The following PDE9A variants were observed in gnomAD, a reference collection of about 807,000 sequenced individuals.
The protein encoded by PDE9A is high affinity cGMP-specific 3',5'-cyclic phosphodiesterase 9A.
PDE9A carries 60 observed loss-of-function variants against 87.4 expected under a neutral mutation model. The observed-to-expected ratio is 0.69, with a 90% CI of 0.56 to 0.85. PDE9A has a LOEUF of 0.85. Among genes scored for constraint, PDE9A ranks in the 40% least tolerant of loss-of-function variants. PDE9A has a pLI of 0.00. For missense variants in PDE9A, 665 were observed against 779.0 expected, an observed-to-expected ratio of 0.85 and a Z score of 1.74; for synonymous variants, 272 against 279.4, an observed-to-expected ratio of 0.97 and a Z score of 0.27.
At chr21:42,715,188 C>T (rs1235042441) in intron 4 of PDE9A, among the ~76,000 whole-genome samples, 15 of 104,636 alleles carry the variant, frequency 1.4e-4, no homozygotes, top group East Asian at 5.6e-4. Flanking sequence ...TGCATCTTTA[C>T]TTTTTTTTTT....
chr21:42,750,753 A>T (rs371421527), intron 8 of PDE9A, among the ~76,000 whole-genome samples: 1 of 150,822 alleles, frequency 6.6e-6, no homozygotes, highest in Non-Finnish European at 1.5e-5. Context: ...TTTTTGTATT[A>T]TTATTATTTT....
chr21:42,725,903 C>G (rs996509078), intron 4 of PDE9A, among the ~76,000 whole-genome samples: 9 of 152,158 alleles, frequency 5.9e-5, no homozygotes, highest in Non-Finnish European at 1.0e-4. Flanking sequence ...TTTGAAGAAC[C>G]TACCAGACTG....
chr21:42,697,528 C>A, intron 3 of PDE9A: 3 of 1,183,756 alleles, frequency 2.5e-6, no homozygotes, highest in Non-Finnish European at 3.8e-6. Flanking sequence ...TTCTTAACAA[C>A]TACCTGACAC....
chr21:42,718,139 G>A (rs576211294), intron 4 of PDE9A, among the ~76,000 whole-genome samples: 1 of 151,702 alleles, frequency 6.6e-6, no homozygotes, highest in South Asian at 2.1e-4. Context: ...GACCTCAGGT[G>A]ATCCACCCAC....
At chr21:42,688,750 G>C (rs2059619159) in intron 3 of PDE9A, among the ~76,000 whole-genome samples, 2 of 152,232 alleles carry the variant, frequency 1.3e-5, no homozygotes, top group African/African-American at 4.8e-5. Context: ...GGGGCTCACT[G>C]TGCCTCCAAG....
rs1478609728 is a variant in PDE9A, at chr21:42,772,481, A to C, written c.1729A>C (p.Lys577Gln). 3.1e-6 allele frequency: 5 copies of C among 1,610,666 alleles called. No homozygotes were observed. In the South Asian group the frequency reaches 5.6e-5, roughly 18 times the overall value. The change falls in exon 19 of 20, where the codon AAG (lysine) becomes CAG (glutamine). Residue 577 changes from lysine to glutamine, a missense_variant. By Grantham distance (53) the Lys-to-Gln change is moderately conservative (BLOSUM62 1). Transcript: ENST00000291539. ...CAGCTTGACGTCTGGGGCCACCGAGAAGTCCAGAGAGAGAAGCAGAGATGT... is the reference window on the plus strand; with the variant it reads ...CAGCTTGACGTCTGGGGCCACCGAGCAGTCCAGAGAGAGAAGCAGAGATGT... The part of the protein sequence containing the change: ...TDSLTSGATE[K>Q]SRERSRDVKN...
chr21:42,762,615 T>C (rs1266557257), intron 14 of PDE9A, among the ~76,000 whole-genome samples: 1 of 152,086 alleles, frequency 6.6e-6, no homozygotes, highest in East Asian at 1.9e-4. Flanking sequence ...GCATCCAACA[T>C]AGGAGAGCTG....
chr21:42,754,400 G>A (rs779524265), intron 10 of PDE9A, among the ~76,000 whole-genome samples: 12 of 152,202 alleles, frequency 7.9e-5, no homozygotes, highest in Admixed American at 6.5e-5. Context: ...TGGCAGCCCC[G>A]TGCTGCAGAA....
Position 42,663,464 on chromosome 21 carries a change from CAG to C in PDE9A, c.69+9584_69+9585del, listed in dbSNP as rs1477482861. Among the ~76,000 whole-genome samples the C allele has an allele frequency of 2.0e-5, 3 of 152,354 alleles. No individual in the cohort carries two copies. The East Asian group carries it at 5.8e-4, about 29-fold the overall frequency. On this transcript the variant is annotated intron_variant, in intron 1 of 19. Coordinates refer to ENST00000291539, the MANE Select transcript of PDE9A (RefSeq NM_002606.3). The stretch of plus-strand genomic sequence containing the variant: ...GGAGGGCAGAAGGCACCCGTCTTCG[CAG>C]AGTCACAGTGGGGCTTGCCTCCTAT...
At position 42,759,266 on chromosome 21, in the gene PDE9A, C is replaced by T. The variant is rs1382345274; in HGVS notation, c.897+181C>T. 1.3e-5 allele frequency among the ~76,000 whole-genome samples: 2 copies of T among 152,188 alleles called. No individual in the cohort carries two copies. Among genetic ancestry groups the T allele is most frequent in the Admixed American group, 6.5e-5 (1 of 15,268 alleles). Reference sequence around the variant, plus strand: ...AGCCTGTCTCTGTTCCTCCTTCCACCAAAACCTTCTTTACGCCCGAGCTAC... The same window carrying T: ...AGCCTGTCTCTGTTCCTCCTTCCACTAAAACCTTCTTTACGCCCGAGCTAC... On this transcript the variant is annotated intron_variant, in intron 11 of 19. Transcript: ENST00000291539. The surrounding 1 kb of genome is among the most constrained non-coding windows in gnomAD (Gnocchi z 7.2).
chr21:42,657,240 G>A (rs1169815494), intron 1 of PDE9A, among the ~76,000 whole-genome samples: 7 of 152,216 alleles, frequency 4.6e-5, no homozygotes, highest in Non-Finnish European at 8.8e-5. Context: ...CATCTGCACC[G>A]GCCTGTTCCC....
rs1602558149 is a variant in PDE9A, at chr21:42,765,453, A to G, written c.1315A>G (p.Met439Val). 1 of 1,612,782 alleles carries G rather than the reference A, an allele frequency of 6.2e-7. No individual in the cohort carries two copies. The highest frequency in any genetic ancestry group is 8.5e-7 in the Non-Finnish European group (1 of 1,178,812). ...AEIMDSFKEK[M>V]ENFDYSNEEH... ...AATTATGGATTCTTTCAAAGAGAAA[A>G]TGGAGAATTTTGACTACAGCAACGA... The change falls in exon 15 of 20, where the codon ATG becomes GTG. Residue 439 changes from methionine (M) to valine (V), a missense_variant. Coordinates refer to ENST00000291539, the MANE Select transcript of PDE9A (RefSeq NM_002606.3).
chr21:42,749,227 CAGA>C (rs921575675), intron 8 of PDE9A, among the ~76,000 whole-genome samples: 2 of 152,208 alleles, frequency 1.3e-5, no homozygotes, highest in African/African-American at 2.4e-5. Flanking sequence ...CTTGCTCTCC[CAGA>C]AGAAGGGGCT....
Position 42,695,512 on chromosome 21 carries a change from C to T in PDE9A, c.219-3456C>T, listed in dbSNP as rs189249732. ...AGGGGAGAGGGCCAGAGGACGGCGCCGTGCGACACACACCATTGCTCCTTT... is the reference window on the plus strand; with the variant it reads ...AGGGGAGAGGGCCAGAGGACGGCGCTGTGCGACACACACCATTGCTCCTTT... On this transcript the variant is annotated intron_variant, in intron 3 of 19. Coordinates refer to ENST00000291539, the MANE Select transcript of PDE9A (RefSeq NM_002606.3). The surrounding 1 kb of genome is among the most constrained non-coding windows in gnomAD (Gnocchi z 4.3). Among the ~76,000 whole-genome samples, 81 of 152,314 alleles carry T rather than the reference C, an allele frequency of 5.3e-4. No homozygotes were observed. Among genetic ancestry groups the T allele is most frequent in the African/African-American group, 1.8e-3 (76 of 41,564 alleles).
rs574307475 is a variant in PDE9A, at chr21:42,669,366, C to T, written c.69+15483C>T. 8.5e-5 allele frequency among the ~76,000 whole-genome samples: 13 copies of T among 152,312 alleles called. No homozygotes were observed. In the South Asian group the frequency reaches 2.7e-3, roughly 32 times the overall value. On this transcript the variant is annotated intron_variant, in intron 1 of 19. Transcript: ENST00000291539. ...TTGTTGACATCCCCGCCTCCCCTGC[C>T]TGCGGGGTCTTAGATGTCTCTCTCC...
intron 19 of PDE9A, among the ~76,000 whole-genome samples, chr21:42,773,453 T>C (rs888639662): frequency 6.6e-6 from 1 of 152,226 alleles, no homozygotes; most frequent in Non-Finnish European, 1.5e-5. Context: ...TCTGTACTTG[T>C]TGATACTAGT....
At chr21:42,738,987 G>A (rs149739334) in intron 7 of PDE9A, among the ~76,000 whole-genome samples, 26 of 152,294 alleles carry the variant, frequency 1.7e-4, no homozygotes, top group East Asian at 9.7e-4. Flanking sequence ...CACTGCGCCC[G>A]GCCTACAGTC....
intron 7 of PDE9A, among the ~76,000 whole-genome samples, chr21:42,736,347 G>T (rs956733416): frequency 2.6e-5 from 4 of 152,182 alleles, no homozygotes; most frequent in Non-Finnish European, 5.9e-5. Context: ...CCTGCAAGTG[G>T]CAGGTGAGTC....
intron 4 of PDE9A, among the ~76,000 whole-genome samples, chr21:42,721,311 A>G (rs2050505027): frequency 6.6e-6 from 1 of 152,196 alleles, no homozygotes; most frequent in South Asian, 2.1e-4. Flanking sequence ...CCCTGAGGTG[A>G]ACCTGAAATG....
Sources: gnomAD v4.1 joint callset for allele counts (sites outside exome capture counted in the v4.1 genomes callset) on GRCh38, gnomAD v4.1.1 for gene constraint, Gnocchi (gnomAD v3.1) non-coding constraint, MANE v1.5 for transcripts, NCBI Gene and HGNC (gene_info 2026-07-23, HGNC 2026-07-21) for gene names.